Variants in MACROD2 observed in about 807,000 individuals in gnomAD.
MACROD2 encodes ADP-ribose glycohydrolase MACROD2.
MACROD2 carries 36 observed loss-of-function variants against 70.4 expected under a neutral mutation model. The observed-to-expected ratio is 0.51, with a 90% CI of 0.39 to 0.68. The LOEUF (loss-of-function observed/expected upper bound fraction) is 0.68. Ranked by LOEUF, MACROD2 falls within the 30% of genes least tolerant of loss-of-function variation. The pLI, the probability that MACROD2 is intolerant of heterozygous loss-of-function variation, is 0.00. For synonymous variants in MACROD2, 172 were observed against 178.8 expected (o/e 0.96, Z 0.30); for missense variants, 496 against 538.4 (o/e 0.92, Z 0.78).
At chr20:14,977,028 G>T (rs1215431349) in intron 5 of MACROD2, among the ~76,000 whole-genome samples, 1 of 152,140 alleles carries the variant, frequency 6.6e-6, no homozygotes. Flanking sequence ...ATGATCACGT[G>T]ATCGAAAGAT....
At chr20:15,368,259 A>T (rs1242324450) in intron 6 of MACROD2, among the ~76,000 whole-genome samples, 1 of 152,022 alleles carries the variant, frequency 6.6e-6, no homozygotes, top group Non-Finnish European at 1.5e-5. Context: ...CTAAGGAGGC[A>T]GAGCCATCAA....
chr20:15,255,949 A>G (rs1282842398), intron 6 of MACROD2, among the ~76,000 whole-genome samples: 2 of 152,108 alleles, frequency 1.3e-5, no homozygotes, highest in African/African-American at 2.4e-5. Context: ...ACTTACACAC[A>G]TGAGTTTTGT....
chr20:14,115,339 A>C (rs2054501167), intron 3 of MACROD2, among the ~76,000 whole-genome samples: 1 of 152,200 alleles, frequency 6.6e-6, no homozygotes, highest in South Asian at 2.1e-4. Flanking sequence ...GTGCTTTATA[A>C]CATTTCTGAT....
At chr20:14,208,711 T>C (rs1040066962) in intron 3 of MACROD2, among the ~76,000 whole-genome samples, 2 of 152,170 alleles carry the variant, frequency 1.3e-5, no homozygotes, top group African/African-American at 2.4e-5. Flanking sequence ...AAGTTCCCTG[T>C]TTGTGCTGAT....
At chr20:15,513,020 A>G (rs1036703713) in intron 8 of MACROD2, among the ~76,000 whole-genome samples, 4 of 152,214 alleles carry the variant, frequency 2.6e-5, no homozygotes, top group African/African-American at 9.6e-5. Context: ...GTTCAGTGAC[A>G]TCTACAAAGT....
chr20:14,850,475 A>G (rs113221558), intron 5 of MACROD2: 1 of 153,202 alleles, frequency 6.5e-6, no homozygotes, highest in Non-Finnish European at 1.5e-5. Flanking sequence ...ACCTGCAACT[A>G]GTATTAAATA....
intron 8 of MACROD2, among the ~76,000 whole-genome samples, chr20:15,674,109 C>A (rs73242439): frequency 2.0e-4 from 30 of 152,096 alleles, no homozygotes; most frequent in African/African-American, 7.0e-4. Context: ...GGTGGTTCTG[C>A]GTTTCTAACA....
At chr20:15,034,053 G>A (rs1218433475) in intron 5 of MACROD2, among the ~76,000 whole-genome samples, 1 of 152,188 alleles carries the variant, frequency 6.6e-6, no homozygotes. Flanking sequence ...AAAATATACA[G>A]GAAGATAAAC....
At chr20:15,795,263 C>G (rs1193471232) in intron 8 of MACROD2, among the ~76,000 whole-genome samples, 1 of 151,968 alleles carries the variant, frequency 6.6e-6, no homozygotes, top group African/African-American at 2.4e-5. Context: ...GAAAGAGGTA[C>G]AGCCACAGGT....
chr20:15,350,482 T>C (rs1174899253), intron 6 of MACROD2, among the ~76,000 whole-genome samples: 1 of 152,200 alleles, frequency 6.6e-6, no homozygotes, highest in South Asian at 2.1e-4. Flanking sequence ...CAAATTGATA[T>C]TAAATATTCC....
intron 4 of MACROD2, among the ~76,000 whole-genome samples, chr20:14,553,025 G>A (rs1568666966): frequency 6.6e-6 from 1 of 151,750 alleles, no homozygotes; most frequent in Non-Finnish European, 1.5e-5. Flanking sequence ...ATAGCTTATT[G>A]TAACTTTTTT....
At chr20:14,902,806 A>G (rs2073912198) in intron 5 of MACROD2, among the ~76,000 whole-genome samples, 1 of 152,172 alleles carries the variant, frequency 6.6e-6, no homozygotes, top group African/African-American at 2.4e-5. Flanking sequence ...AAGGAATGCC[A>G]TGAACTCCAC....
chr20:14,617,086 G>T (rs1280082422), intron 4 of MACROD2, among the ~76,000 whole-genome samples: 1 of 152,104 alleles, frequency 6.6e-6, no homozygotes, highest in Non-Finnish European at 1.5e-5. Flanking sequence ...TCCTAGTCAT[G>T]TATCATTCAG....
In MACROD2 at chr20:15,805,727, C is replaced by T. The variant is rs543545407; in HGVS notation, c.646-57018C>T. ...CTGACCTCAGGTGATCTGCCCACCT[C>T]GGCCTCCCAGAGTGCTGGGATTACA... On this transcript the variant is annotated intron_variant, in intron 8 of 17. Transcript: ENST00000684519. Among the ~76,000 whole-genome samples the T allele has an allele frequency of 3.9e-5, 6 of 152,252 alleles. No individual in the cohort carries two copies. In the South Asian group the frequency reaches 1.0e-3, roughly 26 times the overall value.
At chr20:14,704,083 T>G (rs2071239097) in intron 5 of MACROD2, among the ~76,000 whole-genome samples, 1 of 152,172 alleles carries the variant, frequency 6.6e-6, no homozygotes, top group African/African-American at 2.4e-5. Flanking sequence ...TCTCTGAATC[T>G]CTTTTCTCTT....
chr20:14,317,049 T>TTACACCTACG (rs1410461609), intron 3 of MACROD2, among the ~76,000 whole-genome samples: 4 of 152,218 alleles, frequency 2.6e-5, no homozygotes, highest in African/African-American at 7.2e-5. Flanking sequence ...CACCTACGTC[T>TTACACCTACG]TGATCACTGA....
chr20:14,645,832 A>G lies in MACROD2; in HGVS notation c.302-39011A>G, dbSNP rs530463344. Among the ~76,000 whole-genome samples the G allele has an allele frequency of 6.4e-4, 97 of 152,138 alleles. 1 individual carries two copies. The highest frequency in any genetic ancestry group is 2.8e-3 in the Admixed American group (43 of 15,242). ...AGAGATCACATTCTCTCTGTAATTT[A>G]TTTTAATGCCATTACACAGGGAATT... On this transcript the variant is annotated intron_variant, in intron 4 of 17. Transcript: ENST00000684519.
intron 2 of MACROD2, among the ~76,000 whole-genome samples, chr20:14,015,310 A>T (rs2052972856): frequency 6.6e-6 from 1 of 152,214 alleles, no homozygotes. Context: ...AGCTGGGTAC[A>T]GTGGCTTGCT....
At chr20:15,181,886 G>T (rs1426763970) in intron 5 of MACROD2, among the ~76,000 whole-genome samples, 1 of 151,904 alleles carries the variant, frequency 6.6e-6, no homozygotes, top group Non-Finnish European at 1.5e-5. Flanking sequence ...AAGATTATTT[G>T]CCTCCCTTGA....
Sources: gnomAD v4.1 joint callset for allele counts (sites outside exome capture counted in the v4.1 genomes callset) on GRCh38, gnomAD v4.1.1 for gene constraint, MANE v1.5 for transcripts, NCBI Gene and HGNC (gene_info 2026-07-23, HGNC 2026-07-21) for gene names.